The following ARSG variants were observed in gnomAD, a reference collection of about 807,000 sequenced individuals.
The protein encoded by ARSG is ASG.
In ARSG, 37 loss-of-function variants were observed where a neutral mutation model predicts 50.5. The ratio of observed to expected loss-of-function variants is 0.73; its 90% CI spans 0.56 to 0.96. The LOEUF (loss-of-function observed/expected upper bound fraction) is 0.96, where lower values mean the gene tolerates loss of function less well. Among genes scored for constraint, ARSG ranks in the 50% least tolerant of loss-of-function variants. The pLI is 0.00. For synonymous variants in ARSG, 225 were observed against 254.6 expected, an observed-to-expected ratio of 0.88 and a Z score of 1.11; for missense variants, 629 against 675.3, an observed-to-expected ratio of 0.93 and a Z score of 0.76.
chr17:68,361,428 G>A (rs1017701263), intron 6 of ARSG, among the ~76,000 whole-genome samples: 4 of 152,052 alleles, frequency 2.6e-5, no homozygotes, highest in African/African-American at 9.7e-5. Context: ...ACTGGGAGAC[G>A]TAAAGTCAGG....
intron 6 of ARSG, chr17:68,359,849 T>A (rs1395698846): frequency 6.6e-6 from 1 of 152,216 alleles, no homozygotes; most frequent in Admixed American, 6.5e-5. Context: ...CTGAGAACAC[T>A]GTTGTTTTAT....
Position 68,403,716 on chromosome 17 carries a change from T to TA in ARSG, c.1303+2266_1303+2267insA, listed in dbSNP as rs1237974230. The stretch of plus-strand genomic sequence containing the variant: ...GTGTACCTTATTGTTTTTCTTTTTT[T>TA]TTATTATTATACTTTAAGTTCTAGG... On this transcript the variant is annotated intron_variant, in intron 11 of 11. Coordinates refer to ENST00000621439, the MANE Select transcript of ARSG (RefSeq NM_001267727.2). Among the ~76,000 whole-genome samples the TA allele has an allele frequency of 6.6e-5, 10 of 152,348 alleles. No individual in the cohort carries two copies. The East Asian group carries it at 1.9e-3, about 29-fold the overall frequency.
intron 11 of ARSG, among the ~76,000 whole-genome samples, chr17:68,416,381 A>T (rs2082364511): frequency 6.6e-6 from 1 of 152,124 alleles, no homozygotes; most frequent in Non-Finnish European, 1.5e-5. Context: ...TCTGCTGTTA[A>T]TCCTGATAGG....
intron 1 of ARSG, among the ~76,000 whole-genome samples, chr17:68,286,471 G>T (rs2075844623): frequency 6.6e-6 from 1 of 152,122 alleles, no homozygotes; most frequent in South Asian, 2.1e-4. Flanking sequence ...GCCTTCCAGG[G>T]CTCCTGCTGT....
intron 4 of ARSG, among the ~76,000 whole-genome samples, chr17:68,350,370 G>A (rs2078701074): frequency 6.6e-6 from 1 of 152,224 alleles, no homozygotes; most frequent in Admixed American, 6.5e-5. Context: ...TGAGATTCGA[G>A]TTCTATCTAC....
At chr17:68,435,612 G>A in the ARSG span, 10 of 1,613,804 alleles carry the variant, frequency 6.2e-6, no homozygotes, top group Non-Finnish European at 8.5e-6. Flanking sequence ...TGGTGGGAGT[G>A]GACTCACTTT....
intron 1 of ARSG, among the ~76,000 whole-genome samples, chr17:68,302,882 G>A (rs2018382): frequency 0.3 from 46,074 of 151,942 alleles, 7,732 homozygotes; most frequent in East Asian, 0.41. Context: ...TGACGTGGCC[G>A]AGTACCTTCT....
At chr17:68,351,755 G>A in intron 5 of ARSG, 69 bp downstream of exon 5, 1 of 1,021,810 alleles carries the variant, frequency 9.8e-7, no homozygotes, top group Non-Finnish European at 1.6e-6. Context: ...TGGTCCATCA[G>A]CAATAAATTA....
chr17:68,362,192 C>G (rs2079323207), intron 6 of ARSG, among the ~76,000 whole-genome samples: 1 of 151,950 alleles, frequency 6.6e-6, no homozygotes, highest in Admixed American at 6.6e-5. Flanking sequence ...ATTGCTGGCC[C>G]CCATGCTTGC....
At chr17:68,268,727 C>G in intron 1 of ARSG, 1 of 195,612 alleles carries the variant, frequency 5.1e-6, no homozygotes, top group South Asian at 9.8e-5. Context: ...AAAAGAAAAT[C>G]ATTTATCCCA....
chr17:68,392,048 G>C (rs1044630719), intron 9 of ARSG, among the ~76,000 whole-genome samples: 3 of 152,200 alleles, frequency 2.0e-5, no homozygotes, highest in African/African-American at 7.2e-5. Flanking sequence ...TCAGATATCA[G>C]ATTGGGGAAA....
intron 11 of ARSG, among the ~76,000 whole-genome samples, chr17:68,415,950 T>C (rs2082340585): frequency 6.6e-6 from 1 of 152,190 alleles, no homozygotes; most frequent in Non-Finnish European, 1.5e-5. Context: ...GATGGTTGGT[T>C]GGTGATCTTA....
chr17:68,283,712 TA>T (rs1206535189), intron 1 of ARSG, among the ~76,000 whole-genome samples: 18 of 144,906 alleles, frequency 1.2e-4, no homozygotes, highest in Non-Finnish European at 2.4e-4. Context: ...CTGTCTCTAC[TA>T]AAAAAAAATA....
rs80226481 is a variant in ARSG at position 68,343,485 on chromosome 17, G to T, written c.219-119G>T. Reference sequence around the variant, plus strand: ...AATCCCATTTCCTGACTTGTTCCATGACTGGGTGATCTTTGATCTTTGAGC... The same window carrying T: ...AATCCCATTTCCTGACTTGTTCCATTACTGGGTGATCTTTGATCTTTGAGC... On this transcript the variant is annotated intron_variant, in intron 2 of 11. Coordinates refer to ENST00000621439, the MANE Select transcript of ARSG (RefSeq NM_001267727.2). 3,062 of 1,045,144 alleles carry T rather than the reference G, an allele frequency of 2.9e-3. 66 individuals carry two copies. In the African/African-American group the frequency reaches 0.043, roughly 15 times the overall value. 64.7% of individuals were successfully genotyped at this position (1,045,144 alleles called of 1,614,324 possible). A position where few individuals can be genotyped will look rare whatever the true frequency, so the allele number is the denominator to read the frequency against.
At chr17:68,401,113 T>C (rs933830188) in intron 10 of ARSG, 19 of 482,810 alleles carry the variant, frequency 3.9e-5, no homozygotes, top group Admixed American at 7.0e-5. Context: ...AGCGTTGACC[T>C]CCCAGGCTCA....
chr17:68,310,311 G>C (rs1478135861), intron 2 of ARSG, among the ~76,000 whole-genome samples: 5 of 152,180 alleles, frequency 3.3e-5, no homozygotes, highest in African/African-American at 1.2e-4. Context: ...AACCCAACCT[G>C]GGGTTTCAAG....
intron 1 of ARSG, among the ~76,000 whole-genome samples, chr17:68,304,676 T>TTTG (rs1327873546): frequency 6.6e-6 from 1 of 152,168 alleles, no homozygotes; most frequent in Non-Finnish European, 1.5e-5. Context: ...CAACTGAAGC[T>TTTG]TTGTTGTTGT....
intron 6 of ARSG, 126 bp downstream of exon 6, chr17:68,356,930 T>A: frequency 8.8e-7 from 1 of 1,141,562 alleles, no homozygotes; most frequent in Non-Finnish European, 1.2e-6. Flanking sequence ...CAGAGATGGA[T>A]GCATACATGT....
intron 11 of ARSG, among the ~76,000 whole-genome samples, chr17:68,410,924 G>A (rs1233813779): frequency 3.3e-5 from 5 of 151,934 alleles, no homozygotes; most frequent in South Asian, 2.1e-4. Flanking sequence ...GGTGTTTGTA[G>A]TATTCTCTGA....
Sources: allele counts gnomAD v4.1 joint callset (sites outside exome capture counted in the v4.1 genomes callset), GRCh38; gene constraint gnomAD v4.1.1; transcripts MANE v1.5; gene names NCBI Gene and HGNC (gene_info 2026-07-23, HGNC 2026-07-21).